Variants in PGBD2 observed in about 807,000 individuals in gnomAD.
The protein encoded by PGBD2 is piggyBac transposable element-derived protein 2.
In PGBD2, 6 loss-of-function variants were observed where a neutral mutation model predicts 8.1. That is an observed-to-expected ratio of 0.74 (90% CI 0.40 to 1.46). The LOEUF (loss-of-function observed/expected upper bound fraction) is 1.46, where lower values mean the gene tolerates loss of function less well. Among genes scored for constraint, PGBD2 ranks in the 40% most tolerant of loss-of-function variants. The pLI, the probability that PGBD2 is intolerant of heterozygous loss-of-function variation, is 0.02. For synonymous variants in PGBD2, 318 were observed against 272.2 expected, an observed-to-expected ratio of 1.17 and a Z score of -1.66; for missense variants, 802 against 739.0, an observed-to-expected ratio of 1.09 and a Z score of -0.99.
At position 248,917,050 on chromosome 1, in the gene PGBD2, T is replaced by A; in HGVS notation, c.466T>A (p.Phe156Ile). Reference sequence around the variant, plus strand: ...GTTTTTTGATGAAGGAACAATTAATTTCATTGTTAATGAAACCAATCGTTA... The same window carrying A: ...GTTTTTTGATGAAGGAACAATTAATATCATTGTTAATGAAACCAATCGTTA... ...ELFFDEGTIN[F>I]IVNETNRYAW... Residue 156 changes from phenylalanine (F) to isoleucine (I), a missense_variant, in exon 3 of 3, where the codon TTC becomes ATC. Coordinates refer to ENST00000329291, the MANE Select transcript of PGBD2 (RefSeq NM_170725.3). 1 of 1,613,886 alleles carries A rather than the reference T, an allele frequency of 6.2e-7. No homozygotes were observed. The highest frequency in any genetic ancestry group is 8.5e-7 in the Non-Finnish European group (1 of 1,179,974).
chr1:248,914,429 G>C (rs947278376), intron 2 of PGBD2: 1 of 1,256,562 alleles, frequency 8.0e-7, no homozygotes, highest in Non-Finnish European at 1.0e-6. Flanking sequence ...TCTTTTTCTG[G>C]CCCATGCAGA....
the PGBD2 span, among the ~76,000 whole-genome samples, chr1:248,928,736 C>G: frequency 0.045 from 6,811 of 152,262 alleles, 506 homozygotes; most frequent in African/African-American, 0.15. Context: ...ACTTCAATAA[C>G]AGCCTCCTCC....
chr1:248,907,055 C>T (rs904019117), intron 1 of PGBD2, among the ~76,000 whole-genome samples: 12 of 152,096 alleles, frequency 7.9e-5, no homozygotes, highest in Admixed American at 6.5e-5. Flanking sequence ...ATACCAAGGA[C>T]TTGCACCAGC....
At chr1:248,914,240 T>G (rs1021840045) in intron 2 of PGBD2, among the ~76,000 whole-genome samples, 9 of 152,052 alleles carry the variant, frequency 5.9e-5, no homozygotes, top group African/African-American at 2.2e-4. Flanking sequence ...TGTTTGAGAG[T>G]CTGGGGGTGA....
chr1:248,874,266 T>G, the PGBD2 span, among the ~76,000 whole-genome samples: 1 of 152,168 alleles, frequency 6.6e-6, no homozygotes, highest in South Asian at 2.1e-4. Flanking sequence ...GGTCTAGTGG[T>G]TAGGATTCGG....
At position 248,917,081 on chromosome 1, in the gene PGBD2, G is replaced by A. The variant is rs200300560; in HGVS notation, c.497G>A (p.Trp166Ter). ...GTTAATGAAACCAATCGTTATGCTT[G>A]GCAGAAAAATGTCAATTTGAGTCTT... ...FIVNETNRYAWQKNVNLSLTA... is the reference protein window; with the variant it reads ...FIVNETNRYA The change falls in exon 3 of 3, where the codon TGG (tryptophan) becomes TAG (stop). Residue 166 changes from tryptophan to a stop codon, truncating the protein, a stop_gained. Coordinates refer to ENST00000329291, the MANE Select transcript of PGBD2 (RefSeq NM_170725.3). LOFTEE classifies it low-confidence loss of function (END_TRUNC). The A allele has an allele frequency of 3.7e-6, 6 of 1,613,652 alleles. No homozygotes were observed. The highest frequency in any genetic ancestry group is 5.1e-6 in the Non-Finnish European group (6 of 1,179,920).
intron 1 of PGBD2, among the ~76,000 whole-genome samples, chr1:248,907,258 C>G (rs1318705133): frequency 2.0e-5 from 3 of 152,220 alleles, no homozygotes; most frequent in African/African-American, 7.2e-5. Context: ...TCTCTCTGCC[C>G]AAACATTTCA....
At chr1:248,901,503 T>C (rs562082432), upstream of PGBD2, among the ~76,000 whole-genome samples, 452 of 152,316 alleles carry the variant, frequency 3.0e-3, 2 homozygotes, top group Non-Finnish European at 5.0e-3. Flanking sequence ...TAATTCTCTA[T>C]TTAACAAATG....
rs560100463 is a variant in PGBD2 at position 248,918,073 on chromosome 1, A to G, written c.1489A>G (p.Asn497Asp). 7 of 1,614,232 alleles carry G rather than the reference A, an allele frequency of 4.3e-6. No homozygotes were observed. Among genetic ancestry groups the G allele is most frequent in the African/African-American group, 1.3e-5 (1 of 75,056 alleles). ...IGYVIDAALN[N>D]AWQLHRICCQ... ...CTATGTCATTGATGCTGCCCTCAAC[A>G]ATGCATGGCAGCTGCATAGAATCTG... is the stretch of plus-strand genomic sequence containing the variant. The change falls in exon 3 of 3, where the codon AAT (asparagine) becomes GAT (aspartate). Residue 497 changes from asparagine (N) to aspartate (D), a missense_variant. Physicochemically the swap from Asn to Asp is conservative, Grantham distance 23. Coordinates refer to ENST00000329291, the MANE Select transcript of PGBD2 (RefSeq NM_170725.3).
At chr1:248,876,751 T>C in the PGBD2 span, among the ~76,000 whole-genome samples, 6 of 152,228 alleles carry the variant, frequency 3.9e-5, no homozygotes, top group Non-Finnish European at 7.3e-5. Flanking sequence ...TTGATTTAAA[T>C]TGTATGGTGT....
chr1:248,899,093 C>G, the PGBD2 span, among the ~76,000 whole-genome samples: 37,587 of 152,134 alleles, frequency 0.25, 11,567 homozygotes, highest in African/African-American at 0.73. Flanking sequence ...GGGGCACCCA[C>G]ATTCTTAAAA....
At chr1:248,884,500 CCATGCCCAG>C in the PGBD2 span, among the ~76,000 whole-genome samples, 1 of 152,142 alleles carries the variant, frequency 6.6e-6, no homozygotes, top group Non-Finnish European at 1.5e-5. Flanking sequence ...GCACACACCA[CCATGCCCAG>C]CTAATTTTTG....
At chr1:248,914,622 A>G in intron 2 of PGBD2, 1 of 1,285,690 alleles carries the variant, frequency 7.8e-7, no homozygotes, top group Admixed American at 2.3e-5. Flanking sequence ...GAGGGTCCTC[A>G]CGTAGAGGTT....
chr1:248,887,711 G>T, the PGBD2 span, among the ~76,000 whole-genome samples: 1 of 152,146 alleles, frequency 6.6e-6, no homozygotes, highest in Non-Finnish European at 1.5e-5. Context: ...GGGTACTTGT[G>T]CAGGTTTATC....
chr1:248,883,855 C>T, the PGBD2 span, among the ~76,000 whole-genome samples: 1 of 152,098 alleles, frequency 6.6e-6, no homozygotes, highest in African/African-American at 2.4e-5. Context: ...CCTCGGCCTC[C>T]CAAAGTGCTG....
chr1:248,927,845 T>A, the PGBD2 span, among the ~76,000 whole-genome samples: 1 of 152,136 alleles, frequency 6.6e-6, no homozygotes, highest in East Asian at 1.9e-4. Context: ...GGCAGGTAGA[T>A]AGATAGATGA....
chr1:248,896,485 C>T, the PGBD2 span, among the ~76,000 whole-genome samples: 2 of 152,032 alleles, frequency 1.3e-5, no homozygotes, highest in African/African-American at 4.8e-5. Flanking sequence ...TGCTCTGTCA[C>T]CTAGGTTGGA....
At chr1:248,890,052 C>A in the PGBD2 span, among the ~76,000 whole-genome samples, 1 of 151,884 alleles carries the variant, frequency 6.6e-6, no homozygotes, top group Admixed American at 6.6e-5. Flanking sequence ...CTCAGCCTCC[C>A]AAGCAGCTGG....
Position 248,917,699 on chromosome 1 carries a change from G to A in PGBD2, c.1115G>A (p.Gly372Glu). 1 of 1,614,198 alleles carries A rather than the reference G, an allele frequency of 6.2e-7. No homozygotes were observed. Among genetic ancestry groups the A allele is most frequent in the South Asian group, 1.1e-5 (1 of 91,086 alleles). ...ILRKKGVKATGTVREYRTERC... is the reference protein window; with the variant it reads ...ILRKKGVKATETVREYRTERC... ...AGGAAAAAGGGGGTGAAAGCCACAGGAACTGTTCGTGAGTACAGGACTGAG... is the reference window on the plus strand; with the variant it reads ...AGGAAAAAGGGGGTGAAAGCCACAGAAACTGTTCGTGAGTACAGGACTGAG... The change falls in exon 3 of 3, where the codon GGA (glycine) becomes GAA (glutamate). Residue 372 changes from glycine (G) to glutamate (E), a missense_variant. By Grantham distance (98) the Gly-to-Glu change is moderately conservative. Coordinates refer to ENST00000329291, the MANE Select transcript of PGBD2 (RefSeq NM_170725.3).
Sources: allele counts gnomAD v4.1 joint callset (sites outside exome capture counted in the v4.1 genomes callset), GRCh38; gene constraint gnomAD v4.1.1; transcripts MANE v1.5; gene names NCBI Gene and HGNC (gene_info 2026-07-23, HGNC 2026-07-21).